ATP5MJ: variants seen among roughly 807,000 people sequenced by gnomAD.
ATP5MJ encodes ATP synthase membrane subunit j, also known as ATP synthase F(0) complex subunit j, mitochondrial.
Under a neutral mutation model 8.3 loss-of-function variants are expected in ATP5MJ, and 4 were observed. The observed-to-expected ratio is 0.48, with a 90% confidence interval of 0.24 to 1.11. The LOEUF is 1.11. ATP5MJ is among the 50% of genes least tolerant of loss of function. ATP5MJ has a pLI of 0.18. For missense variants in ATP5MJ, 66 were observed against 71.8 expected (o/e 0.92, Z 0.29); for synonymous variants, 23 against 21.3 (o/e 1.08, Z -0.23).
intron 2 of ATP5MJ, chr14:103,914,217 T>A (rs1201232013): frequency 1.7e-6 from 1 of 573,244 alleles, no homozygotes; most frequent in African/African-American, 1.9e-5. Flanking sequence ...GTCCTAAACT[T>A]TAGTCTTGCA....
At chr14:103,919,950 C>T (rs1342134134) in intron 1 of ATP5MJ, among the ~76,000 whole-genome samples, 1 of 151,768 alleles carries the variant, frequency 6.6e-6, no homozygotes, top group African/African-American at 2.4e-5. Context: ...CCTCAGCCTC[C>T]CGAGTAGCTG....
At chr14:103,920,867 G>T in intron 1 of ATP5MJ, 1 of 1,050,790 alleles carries the variant, frequency 9.5e-7, no homozygotes, top group Non-Finnish European at 1.5e-6. Flanking sequence ...TTATTCATAG[G>T]CCAAACGTGT....
intron 1 of ATP5MJ, chr14:103,921,019 C>T (rs1423267008): frequency 6.4e-7 from 1 of 1,551,696 alleles, no homozygotes; most frequent in South Asian, 1.2e-5. Flanking sequence ...TTTTCAGCTT[C>T]CCTGTTGCCT....
chr14:103,919,904 G>C (rs1388755300), intron 1 of ATP5MJ, among the ~76,000 whole-genome samples: 1 of 151,736 alleles, frequency 6.6e-6, no homozygotes, highest in Non-Finnish European at 1.5e-5. Flanking sequence ...GCGGCTCACT[G>C]CAACCTCCGC....
intron 1 of ATP5MJ, among the ~76,000 whole-genome samples, chr14:103,915,582 G>A (rs1450424184): frequency 6.6e-6 from 1 of 152,064 alleles, no homozygotes; most frequent in Non-Finnish European, 1.5e-5. Context: ...CCTGAGTGCA[G>A]GCGATCTGCC....
chr14:103,917,103 C>T (rs1204650891), intron 1 of ATP5MJ, among the ~76,000 whole-genome samples: 2 of 152,148 alleles, frequency 1.3e-5, no homozygotes, highest in African/African-American at 2.4e-5. Flanking sequence ...GAGGAATCCT[C>T]GGCATTGGCA....
At position 103,914,850 on chromosome 14, in the gene ATP5MJ, A is replaced by AG; in HGVS notation, c.124+215_124+216insC. The AG allele has an allele frequency of 1.2e-5, 5 of 427,574 alleles. No individual in the cohort carries two copies. In the East Asian group the frequency reaches 1.9e-4, roughly 16 times the overall value. The allele number at this position is 427,574 out of a possible 1,614,324, so 26.5% of individuals were successfully genotyped here. The stretch of plus-strand genomic sequence containing the variant: ...AGAGACTGTCTCCAAAAAAAAAAAA[A>AG]AAAAAAAGAAAAGAAAAGAAAAAAA... On this transcript the variant is annotated intron_variant, in intron 2 of 3. Coordinates refer to ENST00000286953, the MANE Select transcript of ATP5MJ (RefSeq NM_004894.3).
At chr14:103,912,836 T>C (rs2087591161) in intron 3 of ATP5MJ, 142 bp from the exon 4 acceptor site, 15 of 804,844 alleles carry the variant, frequency 1.9e-5, no homozygotes, top group Non-Finnish European at 2.2e-5. Context: ...AAAAGTAGGA[T>C]TATTTCTATA....
At chr14:103,914,591 A>G in intron 2 of ATP5MJ, 1 of 677,642 alleles carries the variant, frequency 1.5e-6, no homozygotes, top group South Asian at 1.6e-5. Context: ...GCTTGAGCCC[A>G]GGAGTTCAAG....
chr14:103,920,073 C>T (rs1473996837), intron 1 of ATP5MJ, among the ~76,000 whole-genome samples: 1 of 151,892 alleles, frequency 6.6e-6, no homozygotes, highest in Non-Finnish European at 1.5e-5. Flanking sequence ...GATCCGCCCG[C>T]CTCAGCCTCC....
At chr14:103,914,729 A>C in intron 2 of ATP5MJ, 1 of 515,690 alleles carries the variant, frequency 1.9e-6, no homozygotes, top group Non-Finnish European at 3.4e-6. Flanking sequence ...TGGCAGGCTG[A>C]GGTGGGAGAA....
chr14:103,917,305 A>G (rs983024520), intron 1 of ATP5MJ, among the ~76,000 whole-genome samples: 1 of 152,182 alleles, frequency 6.6e-6, no homozygotes, highest in Non-Finnish European at 1.5e-5. Flanking sequence ...CTCTATGTCA[A>G]ATGTTGAGTG....
At chr14:103,914,036 T>C (rs776038225) in intron 2 of ATP5MJ, 52 bp from the exon 3 acceptor site, 6 of 1,537,810 alleles carry the variant, frequency 3.9e-6, no homozygotes, top group Non-Finnish European at 5.3e-6. Context: ...TTTACAAAAA[T>C]GCCTTTGTCA....
intron 1 of ATP5MJ, chr14:103,921,117 G>T: frequency 7.6e-7 from 1 of 1,313,272 alleles, no homozygotes. Flanking sequence ...ACTGGATGTG[G>T]AGTCAGAGTT....
intron 2 of ATP5MJ, 122 bp downstream of exon 2, chr14:103,914,944 G>A: frequency 1.6e-6 from 2 of 1,253,796 alleles, no homozygotes; most frequent in East Asian, 2.5e-5. Context: ...ACGAAGGACT[G>A]TAGGTAGCTC....
At position 103,913,995 on chromosome 14, in the gene ATP5MJ, AGG is replaced by A; in HGVS notation, c.125-13_125-12del. 1.2e-6 allele frequency: 2 copies of A among 1,602,806 alleles called. No homozygotes were observed. The highest frequency in any genetic ancestry group is 1.7e-6 in the Non-Finnish European group (2 of 1,175,660). ...CCTTACTTCTTTTATCTAAAATAAA[AGG>A]AAGGAAAAAAAAGCAGTCATATCAA... On this transcript the variant is annotated splice_polypyrimidine_tract_variant and intron_variant, in intron 2 of 3. Coordinates refer to ENST00000286953, the MANE Select transcript of ATP5MJ (RefSeq NM_004894.3).
chr14:103,915,230 G>GCTTTAAAC, intron 1 of ATP5MJ, 41 bp from the exon 2 acceptor site: 1 of 1,598,736 alleles, frequency 6.3e-7, no homozygotes, highest in Non-Finnish European at 8.6e-7. Flanking sequence ...AATGATGATT[G>GCTTTAAAC]CTTTAAACCT....
intron 1 of ATP5MJ, among the ~76,000 whole-genome samples, chr14:103,919,820 A>C (rs572416334): frequency 1.2e-3 from 189 of 151,376 alleles, no homozygotes; most frequent in African/African-American, 4.3e-3. Flanking sequence ...ATACATAATA[A>C]AACGAGGGCC....
In ATP5MJ at chr14:103,912,663, T is replaced by A. The variant is rs1268165557; in HGVS notation, c.*3A>T. The A allele has an allele frequency of 6.2e-7, 1 of 1,613,934 alleles. No individual in the cohort carries two copies. The highest frequency in any genetic ancestry group is 2.2e-5 in the East Asian group (1 of 44,890). ...CTTTCACATGTACTCCAAGTAAATC[T>A]GGTTAGTGATGACCAGGAGCAGGCG... On this transcript the variant is annotated 3_prime_UTR_variant, in exon 4 of 4. Transcript: ENST00000286953.
Sources: gnomAD v4.1 joint callset for allele counts (sites outside exome capture counted in the v4.1 genomes callset) on GRCh38, gnomAD v4.1.1 for gene constraint, MANE v1.5 for transcripts, NCBI Gene and HGNC (gene_info 2026-07-23, HGNC 2026-07-21) for gene names.